Variants in SLC39A12 observed in about 807,000 individuals in gnomAD.
SLC39A12 encodes the protein solute carrier family 39 member 12, also known as zinc transporter ZIP12.
In SLC39A12, 63 loss-of-function variants were observed where a neutral mutation model predicts 71.1. The observed-to-expected ratio is 0.89, with a 90% CI of 0.72 to 1.09. SLC39A12 has a LOEUF of 1.09. Among genes scored for constraint, SLC39A12 ranks in the 50% least tolerant of loss-of-function variants. The probability of loss-of-function intolerance (pLI) is 0.00; values close to 1 mark genes in which losing one functional copy is unlikely to be tolerated. For missense variants in SLC39A12, 892 were observed against 812.6 expected (o/e 1.10, Z -1.19); for synonymous variants, 351 against 301.3 (o/e 1.16, Z -1.71).
At chr10:17,983,026 T>TA (rs1207484177) in intron 6 of SLC39A12, among the ~76,000 whole-genome samples, 1 of 149,712 alleles carries the variant, frequency 6.7e-6, no homozygotes, top group African/African-American at 2.5e-5. Context: ...CCGTCTCTAC[T>TA]AAAAATTAAA....
At chr10:17,972,289 G>C (rs1048032627) in intron 4 of SLC39A12, among the ~76,000 whole-genome samples, 2 of 152,164 alleles carry the variant, frequency 1.3e-5, no homozygotes, top group African/African-American at 4.8e-5. Flanking sequence ...ATGTGCTGAA[G>C]AAAAGAATGT....
intron 12 of SLC39A12, among the ~76,000 whole-genome samples, chr10:18,035,809 T>C (rs943348073): frequency 9.9e-5 from 15 of 152,230 alleles, no homozygotes; most frequent in African/African-American, 4.8e-5. Flanking sequence ...ATGATGGTGA[T>C]GTACAGATGG....
chr10:18,001,784 G>T (rs1835840802), intron 11 of SLC39A12: 1 of 152,044 alleles, frequency 6.6e-6, no homozygotes, highest in African/African-American at 2.4e-5. Context: ...GCAAAATTGG[G>T]TATCCATCCC....
chr10:18,036,794 A>ATATATTTTT (rs1554855475), intron 12 of SLC39A12, among the ~76,000 whole-genome samples: 30 of 92,830 alleles, frequency 3.2e-4, no homozygotes, highest in Middle Eastern at 7.7e-3. Context: ...ATATATATAT[A>ATATATTTTT]TTTTTTTTTT....
rs149244348 is a variant in SLC39A12 at position 17,989,767 on chromosome 10, A to T, written c.1270-1384A>T. Among the ~76,000 whole-genome samples the T allele has an allele frequency of 1.6e-3, 247 of 152,128 alleles. 4 individuals are homozygous for T. In the East Asian group the frequency reaches 0.039, roughly 24 times the overall value. On this transcript the variant is annotated intron_variant, in intron 7 of 12. Coordinates refer to ENST00000377369, the MANE Select transcript of SLC39A12 (RefSeq NM_001145195.2). The stretch of plus-strand genomic sequence containing the variant: ...AACCCCGTCTCTACTAAAAATCAAA[A>T]ACTAGCCGGGTGTGGTGGTGGGCGC...
At chr10:18,040,402 A>G (rs990988911) in intron 12 of SLC39A12, among the ~76,000 whole-genome samples, 1 of 152,138 alleles carries the variant, frequency 6.6e-6, no homozygotes, top group African/African-American at 2.4e-5. Context: ...CCCTCATGCC[A>G]TTGAAATAAC....
chr10:18,039,215 TGAGGAGGAG>T (rs775579443), intron 12 of SLC39A12, among the ~76,000 whole-genome samples: 2 of 151,428 alleles, frequency 1.3e-5, no homozygotes, highest in African/African-American at 2.4e-5. Flanking sequence ...GTTTGAAAAA[TGAGGAGGAG>T]GAGGAGGAGG....
At chr10:18,000,441 T>C (rs1408795710) in intron 10 of SLC39A12, among the ~76,000 whole-genome samples, 1 of 152,232 alleles carries the variant, frequency 6.6e-6, no homozygotes, top group Non-Finnish European at 1.5e-5. Context: ...CAGCATGTAA[T>C]TTATCTCATT....
chr10:17,994,528 A>G (rs1390998025), intron 9 of SLC39A12, among the ~76,000 whole-genome samples: 1 of 152,200 alleles, frequency 6.6e-6, no homozygotes, highest in Non-Finnish European at 1.5e-5. Flanking sequence ...ACAAGACAAA[A>G]CATTCTAGAA....
Position 17,981,292 on chromosome 10 carries a change from G to A in SLC39A12, c.925-20G>A, listed in dbSNP as rs200334409. 4 of 1,583,198 alleles carry A rather than the reference G, an allele frequency of 2.5e-6. No homozygotes were observed. Among genetic ancestry groups the A allele is most frequent in the Middle Eastern group, 1.7e-4 (1 of 5,848 alleles). On this transcript the variant is annotated intron_variant, in intron 5 of 12. Coordinates refer to ENST00000377369, the MANE Select transcript of SLC39A12 (RefSeq NM_001145195.2). ...TAAATATGCTGAGATTAGTAACAAT[G>A]TTATGTTTTCCTCACACAGACCTGC...
chr10:17,987,320 CAGAG>C, intron 6 of SLC39A12, among the ~76,000 whole-genome samples, 155 bp from the exon 7 acceptor site: 1 of 152,230 alleles, frequency 6.6e-6, no homozygotes, highest in African/African-American at 2.4e-5. Context: ...GGGTGACAGA[CAGAG>C]AGCCTGTCTC....
At chr10:18,008,830 CT>C (rs1836114089) in intron 12 of SLC39A12, 1 of 152,104 alleles carries the variant, frequency 6.6e-6, no homozygotes, top group African/African-American at 2.4e-5. Flanking sequence ...TTTCTCTTTA[CT>C]TTCTTGCAGC....
In SLC39A12 at chr10:17,953,383, G is replaced by C; in HGVS notation, c.107G>C (p.Ser36Thr). The change falls in exon 2 of 13, where the codon AGC (serine) becomes ACC (threonine). Residue 36 changes from serine to threonine, a missense_variant. Transcript: ENST00000377369. ...AAACCCTCAGCCCAGGATAGCAGAAGCCGTGGGAGTTCAGGCCAACCGGCA... is the reference window on the plus strand; with the variant it reads ...AAACCCTCAGCCCAGGATAGCAGAACCCGTGGGAGTTCAGGCCAACCGGCA... ...TDKPSAQDSR[S>T]RGSSGQPADL... 4 of 1,614,122 alleles carry C rather than the reference G, an allele frequency of 2.5e-6. No individual in the cohort carries two copies. Among genetic ancestry groups the C allele is most frequent in the Non-Finnish European group, 3.4e-6 (4 of 1,180,032 alleles).
At chr10:18,026,015 A>G (rs1836667413) in intron 12 of SLC39A12, among the ~76,000 whole-genome samples, 1 of 152,198 alleles carries the variant, frequency 6.6e-6, no homozygotes, top group Non-Finnish European at 1.5e-5. Context: ...TCACATATTC[A>G]TTCATTTCAC....
At chr10:18,028,161 C>G (rs867897439) in intron 12 of SLC39A12, among the ~76,000 whole-genome samples, 1 of 152,136 alleles carries the variant, frequency 6.6e-6, no homozygotes, top group African/African-American at 2.4e-5. Flanking sequence ...TTCATAATGC[C>G]AAAAGCTATG....
chr10:17,989,585 G>C (rs1384681310), intron 7 of SLC39A12, among the ~76,000 whole-genome samples: 3 of 143,458 alleles, frequency 2.1e-5, no homozygotes, highest in Non-Finnish European at 4.6e-5. Flanking sequence ...GATTAGCTGG[G>C]TTTCCCGAAA....
intron 6 of SLC39A12, among the ~76,000 whole-genome samples, chr10:17,987,099 C>T (rs536105559): frequency 1.5e-4 from 23 of 152,066 alleles, no homozygotes; most frequent in Non-Finnish European, 2.8e-4. Context: ...GAGGCTGAGA[C>T]GAGTGGATTG....
rs58388847 is a variant in SLC39A12 at position 17,965,199 on chromosome 10, C to G, written c.544-284C>G. Reference sequence around the variant, plus strand: ...TCCAGCCTGGGCAGCAAGAGCTAAACTCGGTCTAAAAAAAAGAAAAAAAAA... The same window carrying G: ...TCCAGCCTGGGCAGCAAGAGCTAAAGTCGGTCTAAAAAAAAGAAAAAAAAA... On this transcript the variant is annotated intron_variant, in intron 3 of 12. Transcript: ENST00000377369. Among the ~76,000 whole-genome samples, 1,420 of 150,736 alleles carry G rather than the reference C, an allele frequency of 9.4e-3. 25 individuals are homozygous for G. The highest frequency in any genetic ancestry group is 0.033 in the African/African-American group (1,357 of 41,016).
intron 12 of SLC39A12, among the ~76,000 whole-genome samples, chr10:18,006,125 T>TA (rs2130852014): frequency 6.6e-6 from 1 of 152,324 alleles, no homozygotes; most frequent in Non-Finnish European, 1.5e-5. Context: ...AGTTAATTGC[T>TA]AAATCCTGGA....
Sources: gnomAD v4.1 joint callset for allele counts (sites outside exome capture counted in the v4.1 genomes callset) on GRCh38, gnomAD v4.1.1 for gene constraint, MANE v1.5 for transcripts, NCBI Gene and HGNC (gene_info 2026-07-23, HGNC 2026-07-21) for gene names.